The following SETD2 variants were observed in gnomAD, a reference collection of about 807,000 sequenced individuals.
The protein encoded by SETD2 is SET domain containing 2, histone lysine methyltransferase.
A neutral mutation model predicts 242.1 loss-of-function variants in SETD2; 31 were observed. The ratio of observed to expected loss-of-function variants is 0.13; its 90% CI spans 0.10 to 0.17. The LOEUF (loss-of-function observed/expected upper bound fraction) is 0.17. SETD2 is among the 10% of genes least tolerant of loss of function. The pLI is 1.00. For synonymous variants in SETD2, 1,006 were observed against 1,066.5 expected (o/e 0.94, Z 1.11); for missense variants, 2,481 against 3,046.3 (o/e 0.81, Z 4.37).
At chr3:47,164,295 G>T (rs970215497), upstream of SETD2, among the ~76,000 whole-genome samples, 1 of 152,104 alleles carries the variant, frequency 6.6e-6, no homozygotes, top group African/African-American at 2.4e-5. The surrounding 1 kb of genome is among the most constrained non-coding windows in gnomAD (Gnocchi z 5.4). Flanking sequence ...GGTCCAGGCC[G>T]ACCGTGCCTG....
At position 47,124,266 on chromosome 3, in the gene SETD2, A is replaced by C. The variant is rs2043236268; in HGVS notation, c.370T>G (p.Leu124Val). 6.4e-7 allele frequency: 1 copy of C among 1,551,622 alleles called. No individual in the cohort carries two copies. Among genetic ancestry groups the C allele is most frequent in the Non-Finnish European group, 8.7e-7 (1 of 1,147,002 alleles). Residue 124 changes from leucine (L) to valine (V), a missense_variant, in exon 3 of 21, where the codon TTA becomes GTA. This residue lies in a region of SETD2 where 334 missense variants were observed against 374.5 expected (regional missense o/e 0.89). Coordinates refer to ENST00000409792, the MANE Select transcript of SETD2 (RefSeq NM_014159.7). ...PKMKMEIGDTLSTAEESSPPK... is the reference protein window; with the variant it reads ...PKMKMEIGDTVSTAEESSPPK... The stretch of plus-strand genomic sequence containing the variant: ...GGGGAAGATTCTTCTGCAGTAGATA[A>C]GGTATCACCAATTTCCATTTTCATT...
intron 5 of SETD2, among the ~76,000 whole-genome samples, chr3:47,107,177 C>G (rs1316342207): frequency 6.6e-6 from 1 of 152,118 alleles, no homozygotes; most frequent in South Asian, 2.1e-4. Context: ...ATGTTTTACT[C>G]TGAAGTTCTG....
chr3:47,107,730 TGGGGGGGGG>T, intron 5 of SETD2, among the ~76,000 whole-genome samples: 1 of 28,948 alleles, frequency 3.5e-5, no homozygotes, highest in East Asian at 8.3e-4. Context: ...CGGGGGGGGG[TGGGGGGGGG>T]GTGGCAGGAT....
At chr3:47,035,125 A>G (rs1419334449) in intron 18 of SETD2, among the ~76,000 whole-genome samples, 2 of 152,230 alleles carry the variant, frequency 1.3e-5, no homozygotes, top group Non-Finnish European at 2.9e-5. Context: ...AGTTGATCAC[A>G]GACAATACTG....
In SETD2 at chr3:47,121,562, C is replaced by A. The variant is rs2106654211; in HGVS notation, c.3074G>T (p.Gly1025Val). The A allele has an allele frequency of 6.2e-7, 1 of 1,614,098 alleles. No individual in the cohort carries two copies. The highest frequency in any genetic ancestry group is 8.5e-7 in the Non-Finnish European group (1 of 1,179,984). Reference sequence around the variant, plus strand: ...TGTAGACACAATTTCTGGGGCATGACCACTACTGTCACACTTTAATGCATA... The same window carrying A: ...TGTAGACACAATTTCTGGGGCATGAACACTACTGTCACACTTTAATGCATA... ...VTYALKCDSS[G>V]HAPEIVSTVH... The change falls in exon 3 of 21, where the codon GGT (glycine) becomes GTT (valine). Residue 1025 changes from glycine (G) to valine (V), a missense_variant. By Grantham distance (109) the Gly-to-Val change is moderately radical. Around this residue, in one of 17 missense-constraint regions of SETD2, gnomAD observed 1,300 missense variants for 1,259.2 expected, o/e 1.03. Coordinates refer to ENST00000409792, the MANE Select transcript of SETD2 (RefSeq NM_014159.7).
At chr3:47,146,642 AT>A (rs565413410) in intron 1 of SETD2, among the ~76,000 whole-genome samples, 301 of 150,084 alleles carry the variant, frequency 2.0e-3, no homozygotes, top group Non-Finnish European at 3.8e-3. Context: ...AAAAAAAAAA[AT>A]TCCTTCATAT....
intron 1 of SETD2, among the ~76,000 whole-genome samples, chr3:47,135,626 T>G (rs994218525): frequency 6.6e-6 from 1 of 152,302 alleles, no homozygotes; most frequent in African/African-American, 2.4e-5. Flanking sequence ...ACTTGATACC[T>G]AGGTCAGAAT....
chr3:47,046,656 C>A (rs1290130393), intron 15 of SETD2, 35 bp from the exon 16 acceptor site: 1 of 1,584,966 alleles, frequency 6.3e-7, no homozygotes, highest in Non-Finnish European at 8.6e-7. Flanking sequence ...ATAATTTAAG[C>A]TTTTGTCACT....
At chr3:47,108,015 A>C (rs2042505897) in intron 5 of SETD2, among the ~76,000 whole-genome samples, 1 of 152,052 alleles carries the variant, frequency 6.6e-6, no homozygotes, top group Non-Finnish European at 1.5e-5. Context: ...ACAGTGGCTC[A>C]AGTCTGTAAT....
At chr3:47,086,056 C>A in intron 11 of SETD2, 139 bp downstream of exon 11, 1 of 879,528 alleles carries the variant, frequency 1.1e-6, no homozygotes, top group Non-Finnish European at 1.7e-6. Flanking sequence ...AGGAATGATA[C>A]TGAGATGAAA....
chr3:47,065,371 CA>C (rs199748671), intron 13 of SETD2, among the ~76,000 whole-genome samples: 8,079 of 139,628 alleles, frequency 0.058, 390 homozygotes, highest in East Asian at 0.14. Flanking sequence ...AATAAAAAGA[CA>C]AAAAAAAAAA....
chr3:47,093,657 G>A (rs1391614327), intron 9 of SETD2, among the ~76,000 whole-genome samples: 1 of 152,020 alleles, frequency 6.6e-6, no homozygotes, highest in East Asian at 1.9e-4. Context: ...TGTGACTTCT[G>A]ATATACATTA....
intron 8 of SETD2, among the ~76,000 whole-genome samples, chr3:47,100,781 C>T (rs1283678391): frequency 2.6e-5 from 4 of 151,306 alleles, no homozygotes; most frequent in South Asian, 2.1e-4. Context: ...GAGGCAGAGG[C>T]GGGCGGATCA....
At chr3:47,164,803 C>T (rs1181259477), upstream of SETD2, among the ~76,000 whole-genome samples, 1 of 152,228 alleles carries the variant, frequency 6.6e-6, no homozygotes, top group Non-Finnish European at 1.5e-5. This position sits in a 1 kb window ranked among gnomAD's most constrained non-coding sequence, Gnocchi z 5.4. Context: ...CTCCTACCTC[C>T]ACCTCGGCGC....
chr3:47,061,014 C>T (rs1173829073), intron 14 of SETD2, among the ~76,000 whole-genome samples: 2 of 152,052 alleles, frequency 1.3e-5, no homozygotes, highest in Admixed American at 1.3e-4. Context: ...GTCAGGAGAT[C>T]GAGACCATCC....
chr3:47,154,358 G>A (rs1575852718), intron 1 of SETD2, among the ~76,000 whole-genome samples: 1 of 152,018 alleles, frequency 6.6e-6, no homozygotes, highest in East Asian at 1.9e-4. Flanking sequence ...GCAGTGAGCC[G>A]AGATTGTGCC....
chr3:47,036,314 G>A (rs1041400650), intron 18 of SETD2, among the ~76,000 whole-genome samples: 1 of 152,150 alleles, frequency 6.6e-6, no homozygotes, highest in Non-Finnish European at 1.5e-5. Flanking sequence ...CAACACTTTG[G>A]GAGGCTGAAG....
chr3:47,064,837 A>G (rs1403660392), intron 13 of SETD2, among the ~76,000 whole-genome samples: 1 of 149,560 alleles, frequency 6.7e-6, no homozygotes, highest in Non-Finnish European at 1.5e-5. Context: ...ATTATATATT[A>G]TAAGCATTTT....
At chr3:47,026,315 G>T (rs915826403) in intron 18 of SETD2, among the ~76,000 whole-genome samples, 3 of 152,202 alleles carry the variant, frequency 2.0e-5, no homozygotes, top group Non-Finnish European at 2.9e-5. Context: ...ACAGACACCG[G>T]AGAGGTTGTG....
Sources: allele counts gnomAD v4.1 joint callset (sites outside exome capture counted in the v4.1 genomes callset), GRCh38; gene constraint gnomAD v4.1.1; regional missense constraint gnomAD v4.1.1; non-coding constraint Gnocchi (gnomAD v3.1); transcripts MANE v1.5; gene names NCBI Gene and HGNC (gene_info 2026-07-23, HGNC 2026-07-21).